The following ATOSA variants were observed in gnomAD, a reference collection of about 807,000 sequenced individuals.
ATOSA encodes atos homolog protein A.
chr15:52,662,508 A>T, the ATOSA span, among the ~76,000 whole-genome samples: 38 of 151,994 alleles, frequency 2.5e-4, no homozygotes, highest in African/African-American at 8.5e-4. Flanking sequence ...CGGTGGCTCA[A>T]GCCTGTAATC....
chr15:52,681,725 G>A, the ATOSA span, among the ~76,000 whole-genome samples: 4 of 152,176 alleles, frequency 2.6e-5, no homozygotes, highest in Non-Finnish European at 4.4e-5. Flanking sequence ...TTTCAAAGCC[G>A]TATATGAGTA....
the ATOSA span, chr15:52,605,180 T>C: frequency 5.0e-6 from 8 of 1,611,344 alleles, no homozygotes; most frequent in South Asian, 4.4e-5. Flanking sequence ...AAGGCTCTGG[T>C]TGAAGTTCCA....
At chr15:52,691,059 G>C in the ATOSA span, among the ~76,000 whole-genome samples, 15 of 151,570 alleles carry the variant, frequency 9.9e-5, no homozygotes, top group Non-Finnish European at 1.8e-4. Context: ...AGATGGCCCA[G>C]GGGGAGTGGA....
At chr15:52,651,845 C>A in the ATOSA span, 69 of 1,533,922 alleles carry the variant, frequency 4.5e-5, no homozygotes, top group Non-Finnish European at 5.7e-5. Context: ...AAAATAAAGC[C>A]GTTAAAAAAC....
the ATOSA span, among the ~76,000 whole-genome samples, chr15:52,702,345 T>C: frequency 6.6e-6 from 1 of 152,100 alleles, no homozygotes; most frequent in African/African-American, 2.4e-5. Flanking sequence ...ATAGCAAAGA[T>C]ACAGACTTAA....
chr15:52,645,734 C>A, the ATOSA span, among the ~76,000 whole-genome samples: 1 of 152,170 alleles, frequency 6.6e-6, no homozygotes, highest in Non-Finnish European at 1.5e-5. Context: ...TGAAGACTCT[C>A]AAGTAGAAAA....
the ATOSA span, among the ~76,000 whole-genome samples, chr15:52,592,251 A>G: frequency 3.3e-5 from 5 of 152,308 alleles, no homozygotes; most frequent in African/African-American, 1.2e-4. Flanking sequence ...ATAGTAAGTT[A>G]GGAAATTCAA....
the ATOSA span, among the ~76,000 whole-genome samples, chr15:52,639,527 T>A: frequency 6.6e-6 from 1 of 152,188 alleles, no homozygotes; most frequent in African/African-American, 2.4e-5. Context: ...AATACAACAG[T>A]CTGGGAAATA....
the ATOSA span, chr15:52,678,030 C>A: frequency 1.2e-6 from 2 of 1,614,020 alleles, no homozygotes; most frequent in Non-Finnish European, 1.7e-6. Flanking sequence ...ATTTTCACAT[C>A]CAATTTTCGC....
the ATOSA span, among the ~76,000 whole-genome samples, chr15:52,635,669 C>A: frequency 1.3e-5 from 2 of 151,870 alleles, no homozygotes; most frequent in African/African-American, 4.8e-5. Flanking sequence ...GCACTTCAGC[C>A]TGGGCAACAC....
the ATOSA span, among the ~76,000 whole-genome samples, chr15:52,664,045 A>G: frequency 6.6e-6 from 1 of 152,218 alleles, no homozygotes. Context: ...TTTATCCAAA[A>G]TTAGAGTAAG....
the ATOSA span, chr15:52,678,528 C>T: frequency 6.3e-6 from 1 of 157,670 alleles, no homozygotes; most frequent in Non-Finnish European, 1.4e-5. Flanking sequence ...CTCTTCCAGT[C>T]CCCTGCGCCT....
At chr15:52,610,702 T>A in the ATOSA span, among the ~76,000 whole-genome samples, 6 of 152,256 alleles carry the variant, frequency 3.9e-5, no homozygotes, top group Non-Finnish European at 8.8e-5. Flanking sequence ...ATAAATGGAT[T>A]CAGCTAATTC....
the ATOSA span, among the ~76,000 whole-genome samples, chr15:52,596,737 A>G: frequency 1.3e-4 from 20 of 152,358 alleles, no homozygotes; most frequent in African/African-American, 3.8e-4. Flanking sequence ...TCTAACTCAA[A>G]TATCAACAGT....
At chr15:52,654,424 T>C in the ATOSA span, among the ~76,000 whole-genome samples, 1 of 152,162 alleles carries the variant, frequency 6.6e-6, no homozygotes, top group Admixed American at 6.5e-5. Context: ...CAAAACTAAA[T>C]AATGAGTATG....
the ATOSA span, among the ~76,000 whole-genome samples, chr15:52,662,944 G>A: frequency 6.6e-6 from 1 of 152,060 alleles, no homozygotes; most frequent in Non-Finnish European, 1.5e-5. Context: ...TGCATGTTGG[G>A]TAATTTTTAT....
chr15:52,634,018 A>T, the ATOSA span, among the ~76,000 whole-genome samples: 2 of 152,182 alleles, frequency 1.3e-5, no homozygotes, highest in Non-Finnish European at 2.9e-5. Context: ...ACAAGTTAAA[A>T]ATAATGTGCA....
chr15:52,606,433 T>A, the ATOSA span, among the ~76,000 whole-genome samples: 1 of 152,086 alleles, frequency 6.6e-6, no homozygotes, highest in Admixed American at 6.5e-5. Flanking sequence ...CCCTGGCAAG[T>A]TTTATAGTTT....
chr15:52,658,955 A>G, the ATOSA span, among the ~76,000 whole-genome samples: 2 of 152,074 alleles, frequency 1.3e-5, no homozygotes, highest in African/African-American at 4.8e-5. Flanking sequence ...ACTGTACTCC[A>G]GCCTGGGCAA....
Sources: allele counts gnomAD v4.1 joint callset (sites outside exome capture counted in the v4.1 genomes callset), GRCh38; gene constraint gnomAD v4.1.1; transcripts MANE v1.5; gene names NCBI Gene and HGNC (gene_info 2026-07-23, HGNC 2026-07-21).